The following MAN2A1 variants were observed in gnomAD, a reference collection of about 807,000 sequenced individuals.
MAN2A1 encodes alpha-mannosidase 2.
Under a neutral mutation model 142.6 loss-of-function variants are expected in MAN2A1, and 76 were observed. The observed-to-expected ratio is 0.53, with a 90% CI of 0.44 to 0.65. The LOEUF is 0.65. Ranked by LOEUF, MAN2A1 falls within the 30% of genes least tolerant of loss-of-function variation. The pLI, the probability that MAN2A1 is intolerant of heterozygous loss-of-function variation, is 0.00. For missense variants in MAN2A1, 1,311 were observed against 1,365.1 expected (o/e 0.96, Z 0.62); for synonymous variants, 559 against 473.2 (o/e 1.18, Z -2.35).
At chr5:109,754,303 C>G (rs139903916) in intron 4 of MAN2A1, among the ~76,000 whole-genome samples, 1 of 151,940 alleles carries the variant, frequency 6.6e-6, no homozygotes, top group Non-Finnish European at 1.5e-5. Flanking sequence ...GGGAAAGTAT[C>G]TTCTCAAAAC....
chr5:109,815,786 T>C (rs1754440546), intron 12 of MAN2A1, among the ~76,000 whole-genome samples: 1 of 152,206 alleles, frequency 6.6e-6, no homozygotes, highest in African/African-American at 2.4e-5. Flanking sequence ...AGAATACTGG[T>C]AAGCTTGGTG....
chr5:109,860,027 T>C (rs1465253247), intron 20 of MAN2A1, among the ~76,000 whole-genome samples: 2 of 152,116 alleles, frequency 1.3e-5, no homozygotes, highest in African/African-American at 4.8e-5. Flanking sequence ...TTAACCATCA[T>C]TTCAATATCA....
At chr5:109,829,471 G>A (rs1754848505) in intron 16 of MAN2A1, among the ~76,000 whole-genome samples, 1 of 152,178 alleles carries the variant, frequency 6.6e-6, no homozygotes, top group South Asian at 2.1e-4. Flanking sequence ...CCTCCAGAAA[G>A]TCAACACACC....
chr5:109,853,017 A>G (rs1421152695), intron 19 of MAN2A1, among the ~76,000 whole-genome samples: 3 of 152,180 alleles, frequency 2.0e-5, no homozygotes, highest in Admixed American at 1.3e-4. Flanking sequence ...CAACTCTTCT[A>G]TAAACTTCCT....
chr5:109,837,637 A>G (rs1755091328), intron 16 of MAN2A1, among the ~76,000 whole-genome samples: 1 of 152,154 alleles, frequency 6.6e-6, no homozygotes, highest in African/African-American at 2.4e-5. Context: ...GTAAGCATCA[A>G]TAACTCTTGG....
At chr5:109,853,869 C>T (rs1005421977) in intron 19 of MAN2A1, 3 of 152,030 alleles carry the variant, frequency 2.0e-5, no homozygotes, top group Non-Finnish European at 2.9e-5. Flanking sequence ...CATTCAGACC[C>T]GATTTTTTAT....
intron 4 of MAN2A1, among the ~76,000 whole-genome samples, chr5:109,740,215 G>T (rs1306241905): frequency 6.6e-6 from 1 of 152,218 alleles, no homozygotes; most frequent in Non-Finnish European, 1.5e-5. Flanking sequence ...CATCCTGCAA[G>T]ATTATATGAG....
intron 19 of MAN2A1, chr5:109,854,521 A>G (rs1366561854): frequency 6.6e-6 from 1 of 152,200 alleles, no homozygotes; most frequent in Non-Finnish European, 1.5e-5. Context: ...ATGATTTACC[A>G]AGTTGAAAGA....
At chr5:109,708,419 A>G (rs1348599558) in intron 1 of MAN2A1, among the ~76,000 whole-genome samples, 2 of 151,534 alleles carry the variant, frequency 1.3e-5, no homozygotes, top group Non-Finnish European at 2.9e-5. Flanking sequence ...ACTTTTGATA[A>G]TCCCGGTACA....
intron 4 of MAN2A1, among the ~76,000 whole-genome samples, chr5:109,753,776 A>C (rs1459591769): frequency 6.6e-6 from 1 of 152,184 alleles, no homozygotes; most frequent in Non-Finnish European, 1.5e-5. Context: ...GTAGGCATCC[A>C]GTGATGTATG....
intron 1 of MAN2A1, among the ~76,000 whole-genome samples, chr5:109,694,653 T>G (rs1750762329): frequency 7.3e-6 from 1 of 136,918 alleles, no homozygotes; most frequent in South Asian, 2.7e-4. Flanking sequence ...CCAGTTGCCT[T>G]TTGTGTTTTT....
At chr5:109,710,087 A>T (rs1037539995) in intron 1 of MAN2A1, among the ~76,000 whole-genome samples, 4 of 152,204 alleles carry the variant, frequency 2.6e-5, no homozygotes, top group African/African-American at 9.7e-5. Flanking sequence ...ATATAATTTT[A>T]AAAATGATGT....
intron 1 of MAN2A1, among the ~76,000 whole-genome samples, chr5:109,706,996 A>G (rs1453734727): frequency 6.6e-6 from 1 of 152,208 alleles, no homozygotes; most frequent in Admixed American, 6.5e-5. Context: ...TTCACTCCCC[A>G]CAAGAGGTGA....
chr5:109,727,509 A>G (rs1006502128), intron 3 of MAN2A1, among the ~76,000 whole-genome samples: 1 of 152,224 alleles, frequency 6.6e-6, no homozygotes, highest in Non-Finnish European at 1.5e-5. Context: ...CATATGACAC[A>G]GATCTGTCCA....
rs150296916 is a variant in MAN2A1 at position 109,753,510 on chromosome 5, T to C, written c.708-1819T>C. 4.2e-3 allele frequency among the ~76,000 whole-genome samples: 639 copies of C among 152,342 alleles called. 10 individuals are homozygous for C. Among genetic ancestry groups the C allele is most frequent in the African/African-American group, 0.014 (572 of 41,574 alleles). On this transcript the variant is annotated intron_variant, in intron 4 of 21. Coordinates refer to ENST00000261483, the MANE Select transcript of MAN2A1 (RefSeq NM_002372.4). Reference sequence around the variant, plus strand: ...GAGTCATCATATTCTCCATGTGAAATTATATTAGTTGGTGATCCCCATGGC... The same window carrying C: ...GAGTCATCATATTCTCCATGTGAAACTATATTAGTTGGTGATCCCCATGGC...
intron 12 of MAN2A1, among the ~76,000 whole-genome samples, chr5:109,802,147 C>A (rs1235842447): frequency 6.6e-6 from 1 of 152,132 alleles, no homozygotes; most frequent in Non-Finnish European, 1.5e-5. Context: ...CCTACACAGG[C>A]AAGGTCTCTT....
chr5:109,857,226 A>G (rs1417598383), intron 20 of MAN2A1, among the ~76,000 whole-genome samples: 1 of 152,228 alleles, frequency 6.6e-6, no homozygotes, highest in East Asian at 1.9e-4. Context: ...ATTCATGGCT[A>G]TATCCCCGTG....
intron 16 of MAN2A1, among the ~76,000 whole-genome samples, chr5:109,832,850 C>G (rs1280752950): frequency 6.9e-6 from 1 of 144,240 alleles, no homozygotes; most frequent in Non-Finnish European, 1.5e-5. Context: ...GGCTGCCGGG[C>G]GGAGGGGCTC....
Position 109,702,315 on chromosome 5 carries a change from T to TTGTGTGTGTGTGTGTG in MAN2A1, c.136-11183_136-11168dup, listed in dbSNP as rs34048618. Among the ~76,000 whole-genome samples, 85 of 144,144 alleles carry TTGTGTGTGTGTGTGTG rather than the reference T, an allele frequency of 5.9e-4. 1 individual carries two copies. Among genetic ancestry groups the TTGTGTGTGTGTGTGTG allele is most frequent in the African/African-American group, 1.4e-3 (56 of 38,768 alleles). The allele number at this position is 144,144 out of a possible 152,430, so 94.6% of individuals were successfully genotyped here. A position where few individuals can be genotyped will look rare whatever the true frequency, so the allele number is the denominator to read the frequency against. The stretch of plus-strand genomic sequence containing the variant: ...TTTCTGGGTTAAGACAGAACATAAA[T>TTGTGTGTGTGTGTGTG]TGTGTGTGTGTGTGTGTGTGTGTGT... On this transcript the variant is annotated intron_variant, in intron 1 of 21. Transcript: ENST00000261483.
Sources: allele counts gnomAD v4.1 joint callset (sites outside exome capture counted in the v4.1 genomes callset), GRCh38; gene constraint gnomAD v4.1.1; transcripts MANE v1.5; gene names NCBI Gene and HGNC (gene_info 2026-07-23, HGNC 2026-07-21).